STK35: variants seen among roughly 807,000 people sequenced by gnomAD.
STK35 encodes the protein serine/threonine-protein kinase 35.
A neutral mutation model predicts 37.3 loss-of-function variants in STK35; 17 were observed. The observed-to-expected ratio is 0.46, with a 90% CI of 0.31 to 0.68. STK35 has a LOEUF of 0.68. STK35 is among the 30% of genes least tolerant of loss of function. The pLI is 0.05. For missense variants in STK35, 595 were observed against 746.7 expected, an observed-to-expected ratio of 0.80 and a Z score of 2.37; for synonymous variants, 385 against 319.1, an observed-to-expected ratio of 1.21 and a Z score of -2.20.
At chr20:2,143,707 A>G (rs1986206641) in intron 3 of STK35, 77 bp from the exon 4 acceptor site, 2 of 325,914 alleles carry the variant, frequency 6.1e-6, no homozygotes, top group Non-Finnish European at 1.2e-5. Context: ...ACACAGCTTC[A>G]GTGTTCCTCT....
Position 2,130,094 on chromosome 20 carries a change from G to A in STK35, c.*37+12679G>A, listed in dbSNP as rs139245157. On this transcript the variant is annotated intron_variant, in intron 3 of 3. Transcript: ENST00000381482. ...CATGTGTGGCTTGAGTGACTGGGTG[G>A]TGGGAACAGAGCCATGTAAGAGTGA... Among the ~76,000 whole-genome samples the A allele has an allele frequency of 3.8e-3, 582 of 152,302 alleles. 3 individuals are homozygous for A. The highest frequency in any genetic ancestry group is 0.013 in the African/African-American group (548 of 41,558).
At chr20:2,114,981 A>C (rs73070303) in intron 2 of STK35, among the ~76,000 whole-genome samples, 6,108 of 152,222 alleles carry the variant, frequency 0.04, 227 homozygotes, top group Admixed American at 0.099. Context: ...TTGATGCTTC[A>C]TTGTGCAGTA....
chr20:2,127,969 A>G (rs566262240), intron 3 of STK35, among the ~76,000 whole-genome samples: 1 of 152,042 alleles, frequency 6.6e-6, no homozygotes, highest in African/African-American at 2.4e-5. Flanking sequence ...GATATCTTCA[A>G]CCCCTTGTGT....
intron 3 of STK35, among the ~76,000 whole-genome samples, chr20:2,134,303 A>G (rs1307962269): frequency 6.7e-6 from 1 of 150,104 alleles, no homozygotes. Flanking sequence ...GGGTTCTGCT[A>G]GAAACTTTCA....
rs907294735 is a variant in STK35, at chr20:2,147,419, G to A, written c.*3673G>A. On this transcript the variant is annotated 3_prime_UTR_variant, in exon 4 of 4. Coordinates refer to ENST00000381482, the MANE Select transcript of STK35 (RefSeq NM_080836.4). ...TAAGAGAAGGAAAAGAGCTGGCATT[G>A]TGGGAATTTTCTTTTTATGCTGTTA... 1.3e-5 allele frequency: 2 copies of A among 152,642 alleles called. No individual in the cohort carries two copies. The highest frequency in any genetic ancestry group is 6.5e-5 in the Admixed American group (1 of 15,290). 9.5% of individuals were successfully genotyped at this position (152,642 alleles called of 1,614,324 possible).
intron 3 of STK35, among the ~76,000 whole-genome samples, chr20:2,127,406 T>G (rs1423637337): frequency 3.9e-5 from 6 of 152,122 alleles, no homozygotes; most frequent in Non-Finnish European, 8.8e-5. Context: ...CAGCCCGGCC[T>G]TGTACCAGAC....
chr20:2,126,074 G>T (rs888070735), intron 3 of STK35, among the ~76,000 whole-genome samples: 3 of 152,238 alleles, frequency 2.0e-5, no homozygotes, highest in Non-Finnish European at 2.9e-5. Flanking sequence ...GGCAGCGGTT[G>T]CTCTGTTTCT....
At chr20:2,107,791 C>G (rs1985544177) in intron 2 of STK35, among the ~76,000 whole-genome samples, 1 of 152,194 alleles carries the variant, frequency 6.6e-6, no homozygotes, top group Non-Finnish European at 1.5e-5. Context: ...ACTCTGAATC[C>G]TCTTCTGTGG....
In STK35 at chr20:2,117,315, A is replaced by G; in HGVS notation, c.1542A>G (p.Pro514=). Residue 514 remains proline (P), a synonymous_variant, in exon 3 of 4, where the codon CCA becomes CCG. Coordinates refer to ENST00000381482, the MANE Select transcript of STK35 (RefSeq NM_080836.4). This position sits in a 1 kb window ranked among gnomAD's most constrained non-coding sequence, Gnocchi z 4.4. Reference sequence around the variant, plus strand: ...TGAAAGATATGTTAGCTGCTAACCCACAGGACCGGCCTGATGCCTTTGAAC... The same window carrying G: ...TGAAAGATATGTTAGCTGCTAACCCGCAGGACCGGCCTGATGCCTTTGAAC... ...QLLKDMLAAN[P]QDRPDAFELE... The G allele has an allele frequency of 1.2e-6, 2 of 1,614,206 alleles. No individual in the cohort carries two copies. Among genetic ancestry groups the G allele is most frequent in the Non-Finnish European group, 1.7e-6 (2 of 1,180,026 alleles).
At chr20:2,111,586 T>C (rs1418034) in intron 2 of STK35, among the ~76,000 whole-genome samples, 69,086 of 151,636 alleles carry the variant, frequency 0.46, 16,580 homozygotes, top group East Asian at 0.94. Context: ...TAATCCCCAC[T>C]ACTCTATTCG....
At chr20:2,135,024 C>T (rs978778745) in intron 3 of STK35, among the ~76,000 whole-genome samples, 3 of 152,296 alleles carry the variant, frequency 2.0e-5, no homozygotes, top group East Asian at 1.9e-4. Flanking sequence ...CCAGGTCCTT[C>T]ATTTGGCAGG....
At chr20:2,110,038 G>A (rs1048984157) in intron 2 of STK35, among the ~76,000 whole-genome samples, 72 of 152,344 alleles carry the variant, frequency 4.7e-4, no homozygotes, top group African/African-American at 1.6e-3. Context: ...TGTTGCTATG[G>A]TACCCAGCCT....
At chr20:2,133,365 G>T (rs923110893) in intron 3 of STK35, among the ~76,000 whole-genome samples, 36 of 152,148 alleles carry the variant, frequency 2.4e-4, no homozygotes, top group African/African-American at 8.0e-4. Flanking sequence ...CCTGTCTCTG[G>T]GGACCAATTG....
At chr20:2,112,219 T>C (rs1985633272) in intron 2 of STK35, among the ~76,000 whole-genome samples, 1 of 152,246 alleles carries the variant, frequency 6.6e-6, no homozygotes, top group African/African-American at 2.4e-5. Flanking sequence ...CCAAAGCTCC[T>C]ACTGGCTTGT....
chr20:2,130,153 G>T (rs1568579971), intron 3 of STK35, among the ~76,000 whole-genome samples: 2 of 152,296 alleles, frequency 1.3e-5, no homozygotes, highest in East Asian at 3.9e-4. Flanking sequence ...GGGGAGTAGG[G>T]AGATACACAA....
chr20:2,108,523 A>G (rs1480526306), intron 2 of STK35, among the ~76,000 whole-genome samples: 1 of 152,116 alleles, frequency 6.6e-6, no homozygotes, highest in Non-Finnish European at 1.5e-5. Context: ...AAAAAGAAAG[A>G]AACTAATGGC....
intron 2 of STK35, among the ~76,000 whole-genome samples, chr20:2,116,023 C>T (rs896670066): frequency 6.6e-6 from 1 of 152,070 alleles, no homozygotes. Context: ...TTGATGGTTG[C>T]TGCTGTGGAT....
intron 3 of STK35, among the ~76,000 whole-genome samples, chr20:2,135,530 T>G (rs987030194): frequency 2.6e-5 from 4 of 152,216 alleles, no homozygotes; most frequent in African/African-American, 9.6e-5. Flanking sequence ...ATATTTGCCA[T>G]TTTACAAATG....
At chr20:2,137,357 A>C (rs1255641119) in intron 3 of STK35, among the ~76,000 whole-genome samples, 1 of 152,138 alleles carries the variant, frequency 6.6e-6, no homozygotes, top group Non-Finnish European at 1.5e-5. Context: ...TTGAGAGAAC[A>C]CCACCTCCAA....
Sources: gnomAD v4.1 joint callset for allele counts (sites outside exome capture counted in the v4.1 genomes callset) on GRCh38, gnomAD v4.1.1 for gene constraint, Gnocchi (gnomAD v3.1) non-coding constraint, MANE v1.5 for transcripts, NCBI Gene and HGNC (gene_info 2026-07-23, HGNC 2026-07-21) for gene names.